The following GRID2 variants were observed in gnomAD, a reference collection of about 807,000 sequenced individuals.
GRID2 encodes glutamate receptor ionotropic, delta-2.
GRID2 carries 33 observed loss-of-function variants against 114.8 expected under a neutral mutation model. The observed-to-expected ratio is 0.29, with a 90% CI of 0.22 to 0.38. The LOEUF (loss-of-function observed/expected upper bound fraction) is 0.38, where lower values mean the gene tolerates loss of function less well. GRID2 is among the 10% of genes least tolerant of loss of function. The probability of loss-of-function intolerance (pLI) is 1.00; values close to 1 mark genes in which losing one functional copy is unlikely to be tolerated. For synonymous variants in GRID2, 505 were observed against 449.9 expected (o/e 1.12, Z -1.55); for missense variants, 1,184 against 1,257.7 (o/e 0.94, Z 0.89).
At chr4:92,766,453 C>A (rs1386926066) in intron 2 of GRID2, among the ~76,000 whole-genome samples, 1 of 146,044 alleles carries the variant, frequency 6.8e-6, no homozygotes, top group South Asian at 2.2e-4. Flanking sequence ...AGGAGAATGG[C>A]GTGAACCCAG....
At chr4:92,466,912 A>G (rs1721782302) in intron 1 of GRID2, among the ~76,000 whole-genome samples, 1 of 151,748 alleles carries the variant, frequency 6.6e-6, no homozygotes, top group African/African-American at 2.4e-5. Flanking sequence ...TCCTTATTTT[A>G]TATAATGGGA....
At chr4:93,637,250 T>C (rs1721492960) in intron 14 of GRID2, among the ~76,000 whole-genome samples, 1 of 152,174 alleles carries the variant, frequency 6.6e-6, no homozygotes, top group Non-Finnish European at 1.5e-5. Flanking sequence ...AGTATCACTA[T>C]AAAGGCCCTA....
intron 2 of GRID2, among the ~76,000 whole-genome samples, chr4:92,726,356 G>A (rs939460430): frequency 1.3e-5 from 2 of 152,176 alleles, no homozygotes; most frequent in South Asian, 2.1e-4. Context: ...CAGCTGCAAC[G>A]TCACTCAGAC....
intron 4 of GRID2, among the ~76,000 whole-genome samples, chr4:93,174,954 A>C (rs1489808338): frequency 6.6e-6 from 1 of 152,078 alleles, no homozygotes; most frequent in African/African-American, 2.4e-5. Flanking sequence ...TTTGTGTGAC[A>C]TACTTTCTTA....
At position 93,679,040 on chromosome 4, in the gene GRID2, A is replaced by C. The variant is rs201296037; in HGVS notation, c.2360+52605A>C. Among the ~76,000 whole-genome samples the C allele has an allele frequency of 2.6e-5, 4 of 151,212 alleles. 1 individual carries two copies. The highest frequency in any genetic ancestry group is 9.8e-5 in the African/African-American group (4 of 40,748). On this transcript the variant is annotated intron_variant, in intron 14 of 15. Coordinates refer to ENST00000282020, the MANE Select transcript of GRID2 (RefSeq NM_001510.4). ...GCTGTATTCAGGAAACCCATCACAC[A>C]TGCAGAGACACACATAGGCTCAAAA...
intron 2 of GRID2, among the ~76,000 whole-genome samples, chr4:92,636,724 C>T (rs1023222812): frequency 6.6e-6 from 1 of 151,692 alleles, no homozygotes; most frequent in Non-Finnish European, 1.5e-5. Context: ...AGCTCGGGTC[C>T]CAGCGTCCCC....
intron 1 of GRID2, among the ~76,000 whole-genome samples, chr4:92,413,303 G>A (rs1731429134): frequency 6.6e-6 from 1 of 152,068 alleles, no homozygotes; most frequent in South Asian, 2.1e-4. Context: ...AAATAAATTA[G>A]GTTGAAATTA....
intron 8 of GRID2, among the ~76,000 whole-genome samples, chr4:93,374,848 A>C (rs138448357): frequency 6.6e-6 from 1 of 152,306 alleles, no homozygotes; most frequent in African/African-American, 2.4e-5. Context: ...CGTTCCCTAC[A>C]TTTATTTTCC....
At chr4:92,573,132 G>T (rs79109108) in intron 1 of GRID2, among the ~76,000 whole-genome samples, 1 of 152,022 alleles carries the variant, frequency 6.6e-6, no homozygotes, top group Non-Finnish European at 1.5e-5. Context: ...AGTATCCTCT[G>T]ATGGTTGTCT....
intron 13 of GRID2, among the ~76,000 whole-genome samples, chr4:93,541,544 T>C (rs1348210870): frequency 1.3e-5 from 2 of 152,180 alleles, no homozygotes; most frequent in African/African-American, 2.4e-5. Context: ...TGGTTCCACT[T>C]AATTGTAAAA....
intron 8 of GRID2, among the ~76,000 whole-genome samples, chr4:93,366,126 A>G (rs1762309900): frequency 6.6e-6 from 1 of 152,188 alleles, no homozygotes; most frequent in Non-Finnish European, 1.5e-5. Flanking sequence ...GGCACCTTAA[A>G]AAAAGAACAG....
intron 5 of GRID2, among the ~76,000 whole-genome samples, chr4:93,212,614 A>G (rs1743670160): frequency 6.6e-6 from 1 of 152,150 alleles, no homozygotes; most frequent in Non-Finnish European, 1.5e-5. Flanking sequence ...ACAATGCTTC[A>G]TATACCCTTC....
intron 1 of GRID2, among the ~76,000 whole-genome samples, chr4:92,388,751 G>A (rs1730100234): frequency 6.6e-6 from 1 of 151,932 alleles, no homozygotes; most frequent in African/African-American, 2.4e-5. Context: ...TTGTGTTTGT[G>A]TATATATATG....
intron 8 of GRID2, among the ~76,000 whole-genome samples, chr4:93,340,884 T>C (rs146458347): frequency 0.04 from 6,067 of 152,172 alleles, 160 homozygotes; most frequent in South Asian, 0.068. Context: ...TTTCATTTAA[T>C]ACTCCAGTGC....
intron 2 of GRID2, among the ~76,000 whole-genome samples, chr4:92,907,971 C>A (rs1018818692): frequency 1.3e-4 from 19 of 151,932 alleles, no homozygotes; most frequent in South Asian, 8.3e-4. Context: ...TGCAGTGAGC[C>A]GAGACTATGG....
chr4:92,465,278 T>TA (rs11424200), intron 1 of GRID2, among the ~76,000 whole-genome samples: 54,038 of 148,814 alleles, frequency 0.36, 10,014 homozygotes, highest in African/African-American at 0.46. Context: ...AGAGTGAGAT[T>TA]AAAAAAAAAA....
At chr4:93,104,484 A>G (rs1732008429) in intron 3 of GRID2, among the ~76,000 whole-genome samples, 1 of 150,318 alleles carries the variant, frequency 6.7e-6, no homozygotes, top group African/African-American at 2.4e-5. Context: ...CAGTCCCCAG[A>G]GTGTGATATT....
At chr4:92,946,881 C>T (rs964072679) in intron 2 of GRID2, among the ~76,000 whole-genome samples, 3 of 152,026 alleles carry the variant, frequency 2.0e-5, no homozygotes, top group Admixed American at 6.6e-5. Flanking sequence ...CTAGGTAATT[C>T]TGATACTGCT....
Position 93,042,679 on chromosome 4 carries a change from CTA to C in GRID2, c.245-42306_245-42305del, listed in dbSNP as rs749053786. 1.1e-3 allele frequency among the ~76,000 whole-genome samples: 147 copies of C among 136,928 alleles called. 1 individual carries two copies. The highest frequency in any genetic ancestry group is 3.8e-3 in the African/African-American group (142 of 37,308). The allele number at this position is 136,928 out of a possible 152,430, so 89.8% of individuals were successfully genotyped here. The stretch of plus-strand genomic sequence containing the variant: ...TATTTCTATCTCTCTCTCTATATAT[CTA>C]TATATATATGCATATATATATGCAT... On this transcript the variant is annotated intron_variant, in intron 2 of 15. Transcript: ENST00000282020.
Sources: allele counts gnomAD v4.1 joint callset (sites outside exome capture counted in the v4.1 genomes callset), GRCh38; gene constraint gnomAD v4.1.1; transcripts MANE v1.5; gene names NCBI Gene and HGNC (gene_info 2026-07-23, HGNC 2026-07-21).